CNTN4: variants seen among roughly 807,000 people sequenced by gnomAD.
The protein encoded by CNTN4 is contactin 4, also known as contactin-4.
A neutral mutation model predicts 122.5 loss-of-function variants in CNTN4; 77 were observed. The ratio of observed to expected loss-of-function variants is 0.63; its 90% CI spans 0.52 to 0.76. CNTN4 has a LOEUF of 0.76. Ranked by LOEUF, CNTN4 falls within the 30% of genes least tolerant of loss-of-function variation. The pLI, the probability that CNTN4 is intolerant of heterozygous loss-of-function variation, is 0.00. For missense variants in CNTN4, 1,256 were observed against 1,259.1 expected (o/e 1.00, Z 0.04); for synonymous variants, 512 against 447.0 (o/e 1.15, Z -1.83).
At chr3:2,731,445 G>C (rs987876527) in intron 4 of CNTN4, among the ~76,000 whole-genome samples, 6 of 152,104 alleles carry the variant, frequency 3.9e-5, no homozygotes, top group African/African-American at 1.4e-4. Context: ...ACAAACTCAG[G>C]AAATCATGAA....
At chr3:2,323,725 G>T (rs970125536) in intron 2 of CNTN4, among the ~76,000 whole-genome samples, 2 of 152,134 alleles carry the variant, frequency 1.3e-5, no homozygotes, top group Admixed American at 1.3e-4. Context: ...GTACATGCAT[G>T]CTCATATAGC....
At chr3:2,194,109 G>T (rs1326446109) in intron 2 of CNTN4, among the ~76,000 whole-genome samples, 1 of 152,094 alleles carries the variant, frequency 6.6e-6, no homozygotes, top group Non-Finnish European at 1.5e-5. Flanking sequence ...CTAGATATAA[G>T]GTTCATCATC....
chr3:2,625,469 G>C (rs1009427510), intron 4 of CNTN4, among the ~76,000 whole-genome samples: 2 of 152,168 alleles, frequency 1.3e-5, no homozygotes, highest in East Asian at 3.8e-4. Flanking sequence ...ATGCTCCTCT[G>C]TGATACCAGT....
intron 4 of CNTN4, among the ~76,000 whole-genome samples, chr3:2,715,755 G>A (rs1420521219): frequency 1.3e-5 from 2 of 152,190 alleles, no homozygotes; most frequent in African/African-American, 4.8e-5. Context: ...TCACATGGCT[G>A]AGACAGTGCG....
intron 3 of CNTN4, among the ~76,000 whole-genome samples, chr3:2,356,809 T>G (rs1189452806): frequency 6.6e-6 from 1 of 152,184 alleles, no homozygotes; most frequent in African/African-American, 2.4e-5. Flanking sequence ...GGCAAAGTGC[T>G]TTACAGCTTA....
chr3:2,922,535 C>T (rs1470469309), intron 12 of CNTN4, among the ~76,000 whole-genome samples: 4 of 151,116 alleles, frequency 2.6e-5, no homozygotes, highest in East Asian at 1.9e-4. Context: ...ATGGTTACAA[C>T]TGATAAATTT....
chr3:2,889,272 A>C (rs1210223122), intron 10 of CNTN4, among the ~76,000 whole-genome samples: 1 of 152,178 alleles, frequency 6.6e-6, no homozygotes, highest in Non-Finnish European at 1.5e-5. Context: ...GAAAGTATTA[A>C]TACTTCACTT....
chr3:2,253,809 G>C (rs547266937), intron 2 of CNTN4, among the ~76,000 whole-genome samples: 1 of 152,038 alleles, frequency 6.6e-6, no homozygotes, highest in Non-Finnish European at 1.5e-5. Flanking sequence ...ACCTGGTCAA[G>C]ATTTCTTATT....
At chr3:2,152,653 C>T (rs972858990) in intron 2 of CNTN4, among the ~76,000 whole-genome samples, 5 of 152,106 alleles carry the variant, frequency 3.3e-5, no homozygotes, top group Admixed American at 1.3e-4. Flanking sequence ...AAGACTAGTG[C>T]TGGAACAGGA....
intron 4 of CNTN4, among the ~76,000 whole-genome samples, chr3:2,627,788 T>C (rs112483132): frequency 0.021 from 3,265 of 152,284 alleles, 55 homozygotes; most frequent in African/African-American, 0.05. Context: ...CCACCGTGCC[T>C]GGCCAACTGT....
intron 6 of CNTN4, among the ~76,000 whole-genome samples, chr3:2,781,072 A>T (rs2091549531): frequency 6.6e-6 from 1 of 152,202 alleles, no homozygotes; most frequent in Non-Finnish European, 1.5e-5. Flanking sequence ...AAAGAAATAT[A>T]CATGGAGTGG....
At chr3:2,191,424 A>G (rs73098096) in intron 2 of CNTN4, among the ~76,000 whole-genome samples, 3,746 of 152,226 alleles carry the variant, frequency 0.025, 147 homozygotes, top group African/African-American at 0.086. Context: ...CACACCCCGT[A>G]GTAGACAATT....
At chr3:2,913,225 A>G (rs2094320094) in intron 12 of CNTN4, among the ~76,000 whole-genome samples, 1 of 152,224 alleles carries the variant, frequency 6.6e-6, no homozygotes, top group Admixed American at 6.5e-5. Context: ...TCTTTTGAAG[A>G]CAGAAAGAGG....
chr3:2,447,524 C>T (rs1575651852), intron 3 of CNTN4, among the ~76,000 whole-genome samples: 3 of 152,014 alleles, frequency 2.0e-5, no homozygotes, highest in Admixed American at 2.0e-4. Flanking sequence ...TCTCTGTATC[C>T]ACTATTATAA....
chr3:2,357,778 C>A (rs1414982063), intron 3 of CNTN4, among the ~76,000 whole-genome samples: 1 of 152,186 alleles, frequency 6.6e-6, no homozygotes, highest in Non-Finnish European at 1.5e-5. Flanking sequence ...TCCTGCAACA[C>A]GTAATTTAGC....
At chr3:2,460,558 C>T (rs531160307) in intron 3 of CNTN4, among the ~76,000 whole-genome samples, 1 of 152,230 alleles carries the variant, frequency 6.6e-6, no homozygotes, top group South Asian at 2.1e-4. Flanking sequence ...ACGTACATGA[C>T]CCCTTTATCC....
intron 4 of CNTN4, among the ~76,000 whole-genome samples, chr3:2,705,452 T>TTG (rs2086608402): frequency 8.3e-6 from 1 of 119,930 alleles, no homozygotes; most frequent in African/African-American, 3.3e-5. Flanking sequence ...TATATCTATA[T>TTG]ATATAAATAT....
At chr3:2,407,555 G>A (rs975538919) in intron 3 of CNTN4, among the ~76,000 whole-genome samples, 6 of 152,106 alleles carry the variant, frequency 3.9e-5, no homozygotes, top group Non-Finnish European at 7.4e-5. Flanking sequence ...ACACTGGAGA[G>A]GGATTTGGGT....
Position 2,921,283 on chromosome 3 carries a change from C to T in CNTN4, c.1208-4346C>T, listed in dbSNP as rs538879203. Among the ~76,000 whole-genome samples the T allele has an allele frequency of 4.1e-4, 62 of 152,344 alleles. 1 individual carries two copies. The highest frequency in any genetic ancestry group is 6.2e-4 in the South Asian group (3 of 4,832). ...AACTCCTGGTTTCGAGTGATCCTCC[C>T]GCCTTGGCCTCCCAAAGTGCTGGGA... On this transcript the variant is annotated intron_variant, in intron 12 of 24. Transcript: ENST00000418658.
Sources: allele counts gnomAD v4.1 joint callset (sites outside exome capture counted in the v4.1 genomes callset), GRCh38; gene constraint gnomAD v4.1.1; transcripts MANE v1.5; gene names NCBI Gene and HGNC (gene_info 2026-07-23, HGNC 2026-07-21).